Variants in GPC3 observed in about 807,000 individuals in gnomAD.
GPC3 encodes the protein glypican 3.
Under a neutral mutation model 34.4 loss-of-function variants are expected in GPC3, and 3 were observed. The ratio of observed to expected loss-of-function variants is 0.09; its 90% CI spans 0.04 to 0.23. The LOEUF is 0.23. Among genes scored for constraint, GPC3 ranks in the 10% least tolerant of loss-of-function variants. The pLI is 1.00. For synonymous variants in GPC3, 177 were observed against 174.0 expected, an observed-to-expected ratio of 1.02 and a Z score of -0.13; for missense variants, 351 against 445.6, an observed-to-expected ratio of 0.79 and a Z score of 1.91.
At chrX:133,867,808 A>G (rs1429934443) in intron 2 of GPC3, among the ~76,000 whole-genome samples, 1 of 106,739 alleles carries the variant, frequency 9.4e-6, no homozygotes, top group Non-Finnish European at 1.9e-5. Flanking sequence ...CTGAGGAGAC[A>G]AGCAGATGAA....
At chrX:133,605,774 A>G (rs762669213) in intron 6 of GPC3, among the ~76,000 whole-genome samples, 75 of 111,725 alleles carry the variant, frequency 6.7e-4, no homozygotes, top group African/African-American at 2.3e-3. Flanking sequence ...GTAATACTCC[A>G]TGGCCACACA....
At chrX:133,744,978 C>T in intron 3 of GPC3, among the ~76,000 whole-genome samples, 1 of 109,370 alleles carries the variant, frequency 9.1e-6, no homozygotes, top group Admixed American at 9.8e-5. Context: ...CACATGGACA[C>T]AGGGAGGGGA....
At chrX:133,808,773 A>T (rs2075649145) in intron 2 of GPC3, among the ~76,000 whole-genome samples, 1 of 111,018 alleles carries the variant, frequency 9.0e-6, no homozygotes, top group African/African-American at 3.3e-5. Context: ...AAACAAACAA[A>T]TACCTGTTCT....
chrX:133,838,959 C>T (rs1225134782), intron 2 of GPC3, among the ~76,000 whole-genome samples: 2 of 111,376 alleles, frequency 1.8e-5, no homozygotes, highest in Non-Finnish European at 3.8e-5. Context: ...TTCCCCCACA[C>T]GGTGGCAAAA....
chrX:133,580,156 T>C (rs1323491551), intron 7 of GPC3, among the ~76,000 whole-genome samples: 1 of 111,866 alleles, frequency 8.9e-6, no homozygotes, highest in Non-Finnish European at 1.9e-5. Flanking sequence ...TCACTACTCC[T>C]CATTTATGCC....
At chrX:133,709,927 C>T (rs1021761091) in intron 3 of GPC3, among the ~76,000 whole-genome samples, 5 of 111,760 alleles carry the variant, frequency 4.5e-5, no homozygotes, top group African/African-American at 1.6e-4. Flanking sequence ...GGAAGAACAT[C>T]ATTATTAATT....
intron 2 of GPC3, among the ~76,000 whole-genome samples, chrX:133,890,054 C>T (rs1399043199): frequency 9.0e-6 from 1 of 110,568 alleles, no homozygotes; most frequent in Non-Finnish European, 1.9e-5. Flanking sequence ...CAGGCGTGAG[C>T]CACTGCACCT....
chrX:133,690,084 A>G (rs1464114785), intron 5 of GPC3, among the ~76,000 whole-genome samples: 1 of 111,843 alleles, frequency 8.9e-6, no homozygotes, highest in African/African-American at 3.2e-5. Context: ...TCTCCAGTGC[A>G]TGGAGCCATT....
At chrX:133,886,500 G>C (rs2076062520) in intron 2 of GPC3, among the ~76,000 whole-genome samples, 1 of 111,795 alleles carries the variant, frequency 8.9e-6, no homozygotes, top group African/African-American at 3.2e-5. Context: ...ATATACTGTA[G>C]AATGATTGAG....
At chrX:133,779,166 T>A (rs1463665008) in intron 2 of GPC3, among the ~76,000 whole-genome samples, 4 of 112,409 alleles carry the variant, frequency 3.6e-5, no homozygotes, top group Non-Finnish European at 7.5e-5. Flanking sequence ...TTGACCCCCA[T>A]GACGCTAAAC....
intron 6 of GPC3, among the ~76,000 whole-genome samples, chrX:133,636,682 A>G (rs1396757879): frequency 2.7e-5 from 3 of 111,508 alleles, no homozygotes; most frequent in Non-Finnish European, 5.6e-5. Flanking sequence ...AAATAAATAA[A>G]TAAATAGCCA....
At position 133,806,655 on chromosome X, in the gene GPC3, T is replaced by A. The variant is rs753370648; in HGVS notation, c.338-52479A>T. Among the ~76,000 whole-genome samples the A allele has an allele frequency of 8.5e-5, 9 of 105,820 alleles. No homozygotes were observed. The South Asian group carries it at 2.7e-3, about 32-fold the overall frequency. 91.9% of individuals were successfully genotyped at this position (105,820 alleles called of 115,157 possible). ...TTTTATTTTATTTATTTATTTATTT[T>A]TTTGAGACAGAGTCTTTCTGTCTTT... On this transcript the variant is annotated intron_variant, in intron 2 of 7. Coordinates refer to ENST00000370818, the MANE Select transcript of GPC3 (RefSeq NM_004484.4).
chrX:133,626,415 T>A (rs1255896886), intron 6 of GPC3, among the ~76,000 whole-genome samples: 1 of 110,574 alleles, frequency 9.0e-6, no homozygotes, highest in Admixed American at 9.8e-5. Flanking sequence ...AATCTACCCA[T>A]CTCTCAAGGG....
At chrX:133,825,259 T>C (rs977791136) in intron 2 of GPC3, among the ~76,000 whole-genome samples, 1 of 112,061 alleles carries the variant, frequency 8.9e-6, no homozygotes, top group Non-Finnish European at 1.9e-5. Context: ...ATAGTGAATT[T>C]TGTGAAATTT....
chrX:133,666,063 C>T (rs2070764892), intron 5 of GPC3, among the ~76,000 whole-genome samples: 1 of 111,836 alleles, frequency 8.9e-6, no homozygotes, highest in African/African-American at 3.2e-5. Context: ...GCCAACTTAG[C>T]GATTTTGCCC....
At chrX:133,614,454 T>A (rs1399850569) in intron 6 of GPC3, among the ~76,000 whole-genome samples, 2 of 107,726 alleles carry the variant, frequency 1.9e-5, no homozygotes, top group Non-Finnish European at 3.8e-5. Context: ...TGAGATGACA[T>A]TCAAAACACT....
chrX:133,600,430 TA>T, intron 6 of GPC3, among the ~76,000 whole-genome samples: 1 of 111,706 alleles, frequency 9.0e-6, no homozygotes, highest in Admixed American at 9.5e-5. Context: ...AAAGTGCAAT[TA>T]AACAAAAACC....
intron 2 of GPC3, among the ~76,000 whole-genome samples, chrX:133,779,455 T>C (rs1337179186): frequency 1.8e-5 from 2 of 112,086 alleles, no homozygotes; most frequent in African/African-American, 6.5e-5. Context: ...TTAACCTTCC[T>C]GTACTTTGGG....
chrX:133,771,221 A>C (rs758867981), intron 2 of GPC3, among the ~76,000 whole-genome samples: 12 of 112,836 alleles, frequency 1.1e-4, no homozygotes, highest in Non-Finnish European at 2.1e-4. Flanking sequence ...CTTTTGTCAC[A>C]CTGCTACATT....
Sources: allele counts gnomAD v4.1 joint callset (sites outside exome capture counted in the v4.1 genomes callset), GRCh38; gene constraint gnomAD v4.1.1; transcripts MANE v1.5; gene names NCBI Gene and HGNC (gene_info 2026-07-23, HGNC 2026-07-21).